The following NRG2 variants were observed in gnomAD, a reference collection of about 807,000 sequenced individuals.
The protein encoded by NRG2 is neuregulin 2, also known as pro-neuregulin-2, membrane-bound isoform.
Under a neutral mutation model 73.9 loss-of-function variants are expected in NRG2, and 27 were observed. That is an observed-to-expected ratio of 0.37 (90% CI 0.27 to 0.50). The LOEUF is 0.50. Ranked by LOEUF, NRG2 falls within the 20% of genes least tolerant of loss-of-function variation. The pLI is 0.96. For missense variants in NRG2, 1,126 were observed against 1,210.1 expected, an observed-to-expected ratio of 0.93 and a Z score of 1.03; for synonymous variants, 532 against 541.0, an observed-to-expected ratio of 0.98 and a Z score of 0.23.
intron 1 of NRG2, among the ~76,000 whole-genome samples, chr5:139,993,713 C>T: frequency 6.6e-6 from 1 of 151,988 alleles, no homozygotes; most frequent in East Asian, 1.9e-4. Flanking sequence ...CATAGGTCCT[C>T]AATAAAGATT....
Position 139,894,884 on chromosome 5 carries a change from G to A in NRG2, c.701-7373C>T, listed in dbSNP as rs1206621823. ...GTGAAAACCAGCCTAGACCTGATGG[G>A]CTTTCAGCTCAGCAGCCCAGGTGCC... On this transcript the variant is annotated intron_variant, in intron 1 of 9. Coordinates refer to ENST00000361474, the MANE Select transcript of NRG2 (RefSeq NM_004883.3). This position sits in a 1 kb window ranked among gnomAD's most constrained non-coding sequence, Gnocchi z 5.0. 6.6e-6 allele frequency among the ~76,000 whole-genome samples: 1 copy of A among 152,196 alleles called. No homozygotes were observed. Among genetic ancestry groups the A allele is most frequent in the Non-Finnish European group, 1.5e-5 (1 of 68,042 alleles).
chr5:140,043,020 C>G lies in NRG2; in HGVS notation c.50G>C (p.Gly17Ala). 1 of 1,576,732 alleles carries G rather than the reference C, an allele frequency of 6.3e-7. No homozygotes were observed. Among genetic ancestry groups the G allele is most frequent in the Non-Finnish European group, 8.6e-7 (1 of 1,167,594 alleles). ...SALPPPPLEKGRCSSYSDSSS... is the reference protein window; with the variant it reads ...SALPPPPLEKARCSSYSDSSS... ...GCTGTCGCTGTAGCTGCTGCACCGACCCTTCTCCAGTGGCGGCGGCGGCAG... is the reference window on the plus strand; with the variant it reads ...GCTGTCGCTGTAGCTGCTGCACCGAGCCTTCTCCAGTGGCGGCGGCGGCAG... The change falls in exon 1 of 10, where the codon GGT becomes GCT. Residue 17 changes from glycine (G) to alanine (A), a missense_variant. Around this residue, in one of 3 missense-constraint regions of NRG2, gnomAD observed 185 missense variants for 149.0 expected, o/e 1.24. Coordinates refer to ENST00000361474, the MANE Select transcript of NRG2 (RefSeq NM_004883.3). The surrounding 1 kb of genome is among the most constrained non-coding windows in gnomAD (Gnocchi z 6.7).
At chr5:139,876,604 G>T (rs981000379) in intron 3 of NRG2, among the ~76,000 whole-genome samples, 1 of 152,066 alleles carries the variant, frequency 6.6e-6, no homozygotes. Context: ...ACAGTGGCGG[G>T]GTGGGAGCCG....
At chr5:140,007,229 C>T (rs1758977164) in intron 1 of NRG2, among the ~76,000 whole-genome samples, 2 of 152,040 alleles carry the variant, frequency 1.3e-5, no homozygotes, top group South Asian at 2.1e-4. Flanking sequence ...GAGAAGGAAA[C>T]TGGACTTTGA....
At chr5:139,938,850 AAG>A (rs61044289) in intron 1 of NRG2, among the ~76,000 whole-genome samples, 4,395 of 94,968 alleles carry the variant, frequency 0.046, 254 homozygotes, top group African/African-American at 0.12. Context: ...ACAGAAAGGG[AAG>A]AGAGAGAGAG....
chr5:139,951,740 C>T (rs1427600498), intron 1 of NRG2, among the ~76,000 whole-genome samples: 1 of 152,218 alleles, frequency 6.6e-6, no homozygotes, highest in Non-Finnish European at 1.5e-5. Context: ...CTTGACCAAC[C>T]ATGCAGAAAA....
chr5:140,002,663 T>C (rs75043106), intron 1 of NRG2, among the ~76,000 whole-genome samples: 16,440 of 152,202 alleles, frequency 0.11, 1,058 homozygotes, highest in East Asian at 0.15. Context: ...CCTTCAGTCA[T>C]CAACTCTGGG....
At chr5:139,885,269 G>A (rs1447703343) in intron 2 of NRG2, among the ~76,000 whole-genome samples, 1 of 152,220 alleles carries the variant, frequency 6.6e-6, no homozygotes, top group Non-Finnish European at 1.5e-5. Flanking sequence ...TTCCAGCATT[G>A]ATGGCAACTA....
chr5:140,039,584 A>T (rs1268127765), intron 1 of NRG2, among the ~76,000 whole-genome samples: 1 of 152,150 alleles, frequency 6.6e-6, no homozygotes, highest in African/African-American at 2.4e-5. Flanking sequence ...CATGGTGGAA[A>T]CGAGCCATTT....
At chr5:140,019,823 G>T (rs1580960972) in intron 1 of NRG2, among the ~76,000 whole-genome samples, 1 of 152,132 alleles carries the variant, frequency 6.6e-6, no homozygotes, top group Admixed American at 6.6e-5. Context: ...CACAATTTTG[G>T]CTCACTGCAA....
At chr5:139,997,576 C>G (rs1758115784) in intron 1 of NRG2, among the ~76,000 whole-genome samples, 1 of 152,222 alleles carries the variant, frequency 6.6e-6, no homozygotes, top group African/African-American at 2.4e-5. Flanking sequence ...ACACCACTGT[C>G]TAATCCTAGA....
At chr5:139,920,002 A>T (rs1751542759) in intron 1 of NRG2, among the ~76,000 whole-genome samples, 2 of 152,250 alleles carry the variant, frequency 1.3e-5, no homozygotes, top group Non-Finnish European at 2.9e-5. Flanking sequence ...GGTCCAGAAA[A>T]TAAGTGCAAT....
chr5:139,882,536 G>A (rs1376610165), intron 2 of NRG2, among the ~76,000 whole-genome samples: 2 of 152,202 alleles, frequency 1.3e-5, no homozygotes, highest in Non-Finnish European at 2.9e-5. Flanking sequence ...ATTATAATTT[G>A]TTCCCTTCAT....
intron 2 of NRG2, among the ~76,000 whole-genome samples, chr5:139,883,386 C>T (rs1046865595): frequency 2.2e-4 from 34 of 151,752 alleles, no homozygotes; most frequent in African/African-American, 7.7e-4. Context: ...AACAAGGGAA[C>T]ATGCGATTCT....
Position 139,904,376 on chromosome 5 carries a change from C to G in NRG2, c.701-16865G>C, listed in dbSNP as rs770522845. On this transcript the variant is annotated intron_variant, in intron 1 of 9. Transcript: ENST00000361474. This position sits in a 1 kb window ranked among gnomAD's most constrained non-coding sequence, Gnocchi z 6.0. ...GGGTGCTTCTTGCCGCGGCCGCGGC[C>G]CCTCCTCCTGGACTCCGACATTCTG... The G allele has an allele frequency of 1.9e-6, 3 of 1,582,580 alleles. No individual in the cohort carries two copies. The highest frequency in any genetic ancestry group is 2.6e-6 in the Non-Finnish European group (3 of 1,171,608).
intron 1 of NRG2, among the ~76,000 whole-genome samples, chr5:140,031,441 G>A (rs566004873): frequency 6.8e-4 from 103 of 152,138 alleles, no homozygotes; most frequent in Middle Eastern, 6.8e-3. Flanking sequence ...TGTAACAACC[G>A]GATCCTGTAA....
At chr5:139,953,929 C>T (rs542466918) in intron 1 of NRG2, among the ~76,000 whole-genome samples, 13 of 152,294 alleles carry the variant, frequency 8.5e-5, no homozygotes, top group Admixed American at 3.3e-4. Context: ...GCAGGATTTA[C>T]AGGCCCTCAT....
At chr5:139,883,743 G>A (rs898163930) in intron 2 of NRG2, among the ~76,000 whole-genome samples, 7 of 152,170 alleles carry the variant, frequency 4.6e-5, no homozygotes, top group African/African-American at 1.2e-4. Context: ...CGCCTTGGTC[G>A]CAGGGAGTCA....
At chr5:140,022,751 A>G (rs1371793876) in intron 1 of NRG2, among the ~76,000 whole-genome samples, 1 of 152,220 alleles carries the variant, frequency 6.6e-6, no homozygotes, top group African/African-American at 2.4e-5. Flanking sequence ...ACATTTATAA[A>G]GTGTTTAGAA....
Sources: allele counts gnomAD v4.1 joint callset (sites outside exome capture counted in the v4.1 genomes callset), GRCh38; gene constraint gnomAD v4.1.1; regional missense constraint gnomAD v4.1.1; non-coding constraint Gnocchi (gnomAD v3.1); transcripts MANE v1.5; gene names NCBI Gene and HGNC (gene_info 2026-07-23, HGNC 2026-07-21).